HEMK2: variants seen among roughly 807,000 people sequenced by gnomAD.
The protein encoded by HEMK2 is HemK methyltransferase 2, ETF1 glutamine and histone H4 lysine.
chr21:28,677,607 G>C, the HEMK2 span, among the ~76,000 whole-genome samples: 2 of 152,226 alleles, frequency 1.3e-5, no homozygotes, highest in Non-Finnish European at 2.9e-5. Flanking sequence ...TCCTCAAGTG[G>C]GTCCCTGACC....
At chr21:28,796,412 T>G in the HEMK2 span, among the ~76,000 whole-genome samples, 8 of 152,208 alleles carry the variant, frequency 5.3e-5, no homozygotes, top group African/African-American at 1.9e-4. Context: ...AGCGCTGGGA[T>G]TACAGGCGTG....
At chr21:28,601,705 A>G in the HEMK2 span, among the ~76,000 whole-genome samples, 1 of 151,260 alleles carries the variant, frequency 6.6e-6, no homozygotes, top group African/African-American at 2.4e-5. Flanking sequence ...CCCAAGGAGC[A>G]AGGAGATTTT....
the HEMK2 span, among the ~76,000 whole-genome samples, chr21:28,648,956 C>T: frequency 3.6e-5 from 5 of 139,018 alleles, no homozygotes; most frequent in Admixed American, 3.8e-4. Context: ...CCACAACAGG[C>T]CCTGGTGTGT....
At chr21:28,749,310 T>C in the HEMK2 span, among the ~76,000 whole-genome samples, 4 of 152,336 alleles carry the variant, frequency 2.6e-5, no homozygotes, top group East Asian at 1.9e-4. Context: ...TACTATGTTA[T>C]ATGGGCCAAG....
chr21:28,885,326 G>A, the HEMK2 span: 2 of 1,582,908 alleles, frequency 1.3e-6, no homozygotes, highest in East Asian at 2.3e-5. Context: ...GAACGGCGTA[G>A]CGAAGTTCTC....
the HEMK2 span, among the ~76,000 whole-genome samples, chr21:28,714,781 T>C: frequency 6.6e-6 from 1 of 152,144 alleles, no homozygotes; most frequent in East Asian, 1.9e-4. Context: ...AGGTAGTTTC[T>C]AAACCCTTGC....
At chr21:28,677,302 A>C in the HEMK2 span, among the ~76,000 whole-genome samples, 3 of 152,220 alleles carry the variant, frequency 2.0e-5, no homozygotes, top group Admixed American at 1.3e-4. Context: ...GCTCCTTGTT[A>C]GCACAGCACT....
chr21:28,852,343 C>T, the HEMK2 span, among the ~76,000 whole-genome samples: 2 of 152,134 alleles, frequency 1.3e-5, no homozygotes, highest in East Asian at 1.9e-4. Flanking sequence ...GAAGTGACCA[C>T]AGGATGAGTC....
chr21:28,622,269 C>A, the HEMK2 span, among the ~76,000 whole-genome samples: 1 of 152,292 alleles, frequency 6.6e-6, no homozygotes, highest in Middle Eastern at 3.4e-3. Flanking sequence ...ATACAACTTA[C>A]AACAGATGTG....
At chr21:28,648,466 C>A in the HEMK2 span, among the ~76,000 whole-genome samples, 1 of 152,196 alleles carries the variant, frequency 6.6e-6, no homozygotes, top group Non-Finnish European at 1.5e-5. Context: ...GGGACCAAGT[C>A]TGCTTTGCCC....
At chr21:28,811,270 G>GAA in the HEMK2 span, among the ~76,000 whole-genome samples, 29 of 123,712 alleles carry the variant, frequency 2.3e-4, no homozygotes, top group African/African-American at 8.9e-4. Context: ...AAGAAAGAAA[G>GAA]AGAAAGAAAG....
At chr21:28,650,174 A>G in the HEMK2 span, among the ~76,000 whole-genome samples, 1 of 152,196 alleles carries the variant, frequency 6.6e-6, no homozygotes, top group African/African-American at 2.4e-5. Context: ...AGGCGGGTGG[A>G]TCACAAGGTC....
the HEMK2 span, among the ~76,000 whole-genome samples, chr21:28,859,329 T>C: frequency 6.6e-6 from 1 of 152,214 alleles, no homozygotes; most frequent in Non-Finnish European, 1.5e-5. Context: ...ATTATTTTTA[T>C]GGTAGGGATC....
chr21:28,693,995 G>A, the HEMK2 span, among the ~76,000 whole-genome samples: 2 of 152,122 alleles, frequency 1.3e-5, no homozygotes, highest in African/African-American at 4.8e-5. Context: ...ACAAATGTAT[G>A]AGTAGTAGAT....
At chr21:28,784,842 C>T in the HEMK2 span, among the ~76,000 whole-genome samples, 1 of 152,218 alleles carries the variant, frequency 6.6e-6, no homozygotes, top group Non-Finnish European at 1.5e-5. Flanking sequence ...TGGCAACCCA[C>T]TCAGATCCCC....
the HEMK2 span, among the ~76,000 whole-genome samples, chr21:28,695,260 C>A: frequency 6.6e-6 from 1 of 152,098 alleles, no homozygotes; most frequent in Non-Finnish European, 1.5e-5. Flanking sequence ...TTTTGTTTAA[C>A]CCCTCCAAAT....
chr21:28,719,266 G>C, the HEMK2 span, among the ~76,000 whole-genome samples: 112 of 152,248 alleles, frequency 7.4e-4, no homozygotes, highest in Middle Eastern at 0.014. Context: ...CTGCCCAACT[G>C]ATATCTTTCA....
At chr21:28,866,160 ACAAAC>A in the HEMK2 span, among the ~76,000 whole-genome samples, 1,605 of 92,130 alleles carry the variant, frequency 0.017, 236 homozygotes, top group African/African-American at 0.034. Flanking sequence ...AAAAACAAAA[ACAAAC>A]AAAAAAAAAA....
chr21:28,681,309 A>T, the HEMK2 span, among the ~76,000 whole-genome samples: 4 of 152,208 alleles, frequency 2.6e-5, no homozygotes, highest in African/African-American at 9.6e-5. Context: ...CAATTGCTTC[A>T]AAGAGAATAA....
Sources: gnomAD v4.1 joint callset for allele counts (sites outside exome capture counted in the v4.1 genomes callset) on GRCh38, gnomAD v4.1.1 for gene constraint, MANE v1.5 for transcripts, NCBI Gene and HGNC (gene_info 2026-07-23, HGNC 2026-07-21) for gene names.